MGAT4C: variants seen among roughly 807,000 people sequenced by gnomAD.
The protein encoded by MGAT4C is MGAT4 family member C.
In MGAT4C, 19 loss-of-function variants were observed where a neutral mutation model predicts 40.1. The observed-to-expected ratio is 0.47, with a 90% CI of 0.33 to 0.70. The LOEUF (loss-of-function observed/expected upper bound fraction) is 0.70. Among genes scored for constraint, MGAT4C ranks in the 30% least tolerant of loss-of-function variants. The pLI, the probability that MGAT4C is intolerant of heterozygous loss-of-function variation, is 0.02. For missense variants in MGAT4C, 491 were observed against 563.2 expected (o/e 0.87, Z 1.30); for synonymous variants, 181 against 187.1 (o/e 0.97, Z 0.27).
chr12:86,002,481 A>G (rs1481919167), intron 2 of MGAT4C: 1 of 152,076 alleles, frequency 6.6e-6, no homozygotes, highest in Non-Finnish European at 1.5e-5. Context: ...GAATAAAACT[A>G]TAAAGTAGAG....
chr12:86,671,820 T>C (rs920889003), intron 2 of MGAT4C, among the ~76,000 whole-genome samples: 4 of 152,004 alleles, frequency 2.6e-5, no homozygotes, highest in African/African-American at 4.8e-5. Flanking sequence ...TTATTGGAGA[T>C]AAAGAGCTAA....
At chr12:86,705,451 CA>C (rs2136622466) in intron 2 of MGAT4C, among the ~76,000 whole-genome samples, 1 of 151,858 alleles carries the variant, frequency 6.6e-6, no homozygotes, top group South Asian at 2.1e-4. Flanking sequence ...GGTTTCACAA[CA>C]GAATTGAAAA....
chr12:86,427,655 G>T (rs1489360540), intron 3 of MGAT4C, among the ~76,000 whole-genome samples: 2 of 152,122 alleles, frequency 1.3e-5, no homozygotes, highest in African/African-American at 4.8e-5. Flanking sequence ...TTGTGGAAAT[G>T]AAGTATATAA....
At chr12:86,146,402 TAC>T (rs1883518590) in intron 1 of MGAT4C, among the ~76,000 whole-genome samples, 1 of 152,200 alleles carries the variant, frequency 6.6e-6, no homozygotes, top group Admixed American at 6.5e-5. Flanking sequence ...GAAGATGAGA[TAC>T]AGTTTTCTTC....
chr12:86,706,915 T>C (rs937964752), intron 2 of MGAT4C, among the ~76,000 whole-genome samples: 3 of 152,300 alleles, frequency 2.0e-5, no homozygotes, highest in East Asian at 3.9e-4. Flanking sequence ...GTTCTCGTGA[T>C]AGTGAATAAG....
At chr12:86,109,897 G>T (rs1252942565) in intron 1 of MGAT4C, among the ~76,000 whole-genome samples, 1 of 151,798 alleles carries the variant, frequency 6.6e-6, no homozygotes, top group African/African-American at 2.4e-5. Context: ...CTCTGGAGTG[G>T]ATATAACAGG....
Position 86,059,673 on chromosome 12 carries a change from A to G in MGAT4C, c.-56-9950T>C, listed in dbSNP as rs116910374. The stretch of plus-strand genomic sequence containing the variant: ...AGTTGACAGAGGCTACATAGGTTGT[A>G]GTAGGCAGATCTTTTAGCACAACCA... On this transcript the variant is annotated intron_variant, in intron 1 of 4. Coordinates refer to ENST00000611864, the MANE Select transcript of MGAT4C (RefSeq NM_001351288.2). Among the ~76,000 whole-genome samples, 199 of 152,356 alleles carry G rather than the reference A, an allele frequency of 1.3e-3. 2 individuals are homozygous for G. The highest frequency in any genetic ancestry group is 2.7e-3 in the Admixed American group (41 of 15,298).
intron 2 of MGAT4C, chr12:86,001,595 G>C (rs970415270): frequency 2.1e-6 from 2 of 975,084 alleles, no homozygotes; most frequent in Non-Finnish European, 2.4e-6. Context: ...TTGAAGCACA[G>C]TGAGGGCTGA....
At chr12:86,112,777 G>A (rs1877690434) in intron 1 of MGAT4C, among the ~76,000 whole-genome samples, 1 of 151,732 alleles carries the variant, frequency 6.6e-6, no homozygotes, top group African/African-American at 2.4e-5. Context: ...AGTGAGTAAA[G>A]GAAGGAAGAT....
chr12:86,382,341 G>A (rs1955951456), intron 3 of MGAT4C, among the ~76,000 whole-genome samples: 1 of 152,200 alleles, frequency 6.6e-6, no homozygotes, highest in African/African-American at 2.4e-5. Flanking sequence ...AGAGAAAGAT[G>A]ATTTAGGGTA....
chr12:86,795,142 T>C (rs565544002), intron 1 of MGAT4C, among the ~76,000 whole-genome samples: 1 of 152,134 alleles, frequency 6.6e-6, no homozygotes, highest in African/African-American at 2.4e-5. Flanking sequence ...AAGTCTGTGT[T>C]TTCCTTTATT....
chr12:86,701,642 A>C (rs1950366715), intron 2 of MGAT4C, among the ~76,000 whole-genome samples: 1 of 152,134 alleles, frequency 6.6e-6, no homozygotes, highest in African/African-American at 2.4e-5. Flanking sequence ...GGTTGAAGTA[A>C]AAGAAAGATT....
In MGAT4C at chr12:85,979,554, T is replaced by A; in HGVS notation, c.1172A>T (p.Lys391Ile). ...IVFENPIIIK[K>I]IKVNTGTEDR... ...TTCTGTTCCAGTATTTACTTTAATT[T>A]TTTTTATTATAATTGGATTTTCAAA... The change falls in exon 5 of 5, where the codon AAA (lysine) becomes ATA (isoleucine). Residue 391 changes from lysine (K) to isoleucine (I), a missense_variant. Physicochemically the swap from Lys to Ile is moderately radical, Grantham distance 102 (BLOSUM62 -3). Coordinates refer to ENST00000611864, the MANE Select transcript of MGAT4C (RefSeq NM_001351288.2). The A allele has an allele frequency of 6.2e-7, 1 of 1,609,118 alleles. No homozygotes were observed. The highest frequency in any genetic ancestry group is 8.5e-7 in the Non-Finnish European group (1 of 1,178,018).
At chr12:85,990,034 G>A (rs1885707461) in intron 2 of MGAT4C, among the ~76,000 whole-genome samples, 1 of 152,020 alleles carries the variant, frequency 6.6e-6, no homozygotes, top group South Asian at 2.1e-4. Flanking sequence ...AATCTGGGTG[G>A]AGTAAAGAAA....
At chr12:86,641,045 C>G (rs186894251) in intron 2 of MGAT4C, among the ~76,000 whole-genome samples, 10 of 151,604 alleles carry the variant, frequency 6.6e-5, no homozygotes, top group African/African-American at 9.7e-5. Context: ...TTTTGGAATA[C>G]GTGTGGTGTG....
Position 86,498,991 on chromosome 12 carries a change from C to A in MGAT4C, c.-228-63726G>T, listed in dbSNP as rs534919907. 3.3e-5 allele frequency among the ~76,000 whole-genome samples: 5 copies of A among 152,012 alleles called. No individual in the cohort carries two copies. In the East Asian group the frequency reaches 7.7e-4, roughly 23 times the overall value. ...CTGCAGTTGCAGCTGCTCACCATTT[C>A]CAAAAGAGAATCCATTTTGTAAATA... On this transcript the variant is annotated intron_variant, in intron 2 of 7. Transcript: ENST00000548651.
At chr12:86,429,240 T>C (rs1956987677) in intron 3 of MGAT4C, among the ~76,000 whole-genome samples, 1 of 152,200 alleles carries the variant, frequency 6.6e-6, no homozygotes, top group Admixed American at 6.5e-5. Context: ...CAGGATCATG[T>C]TGCTTAATTT....
At chr12:85,990,714 TA>T (rs1885808753) in intron 2 of MGAT4C, among the ~76,000 whole-genome samples, 2 of 152,140 alleles carry the variant, frequency 1.3e-5, no homozygotes, top group South Asian at 4.1e-4. Flanking sequence ...AAATAATTTC[TA>T]AAAAAGAATT....
At chr12:86,437,895 C>T (rs1957164140) in intron 2 of MGAT4C, among the ~76,000 whole-genome samples, 1 of 151,880 alleles carries the variant, frequency 6.6e-6, no homozygotes, top group South Asian at 2.1e-4. Context: ...ACTCATCTTT[C>T]TTCTTCTACT....
Sources: allele counts gnomAD v4.1 joint callset (sites outside exome capture counted in the v4.1 genomes callset), GRCh38; gene constraint gnomAD v4.1.1; transcripts MANE v1.5; gene names NCBI Gene and HGNC (gene_info 2026-07-23, HGNC 2026-07-21).